The following UVRAG variants were observed in gnomAD, a reference collection of about 807,000 sequenced individuals.
UVRAG encodes UV radiation resistance associated.
In UVRAG, 19 loss-of-function variants were observed where a neutral mutation model predicts 78.0. The ratio of observed to expected loss-of-function variants is 0.24; its 90% CI spans 0.17 to 0.36. UVRAG has a LOEUF of 0.36. Among genes scored for constraint, UVRAG ranks in the 10% least tolerant of loss-of-function variants. The pLI is 1.00. For missense variants in UVRAG, 740 were observed against 853.8 expected, an observed-to-expected ratio of 0.87 and a Z score of 1.66; for synonymous variants, 323 against 324.6, an observed-to-expected ratio of 1.00 and a Z score of 0.05.
chr11:76,129,398 C>A (rs571466885), intron 14 of UVRAG, among the ~76,000 whole-genome samples: 1 of 152,332 alleles, frequency 6.6e-6, no homozygotes, highest in Non-Finnish European at 1.5e-5. Context: ...TCCTCTTCCT[C>A]TACCTCATCA....
At chr11:75,924,131 C>A (rs566437508) in intron 6 of UVRAG, among the ~76,000 whole-genome samples, 2 of 152,218 alleles carry the variant, frequency 1.3e-5, no homozygotes, top group Non-Finnish European at 2.9e-5. Flanking sequence ...GAATGCTCAG[C>A]AAATATTTGT....
chr11:75,856,357 C>T (rs1946292389), intron 2 of UVRAG, among the ~76,000 whole-genome samples: 1 of 152,150 alleles, frequency 6.6e-6, no homozygotes, highest in Admixed American at 6.6e-5. Context: ...AATGCCTGCC[C>T]TCTCCTGGAA....
chr11:76,070,767 C>T (rs1189676999), intron 13 of UVRAG, among the ~76,000 whole-genome samples: 4 of 152,096 alleles, frequency 2.6e-5, no homozygotes, highest in Admixed American at 6.6e-5. Flanking sequence ...AATATTGTAG[C>T]GTTCCATTTA....
At chr11:76,076,645 A>G (rs1456067485) in intron 13 of UVRAG, among the ~76,000 whole-genome samples, 2 of 152,042 alleles carry the variant, frequency 1.3e-5, no homozygotes, top group Non-Finnish European at 1.5e-5. Flanking sequence ...CTTTTTTATT[A>G]TAGCCATCCT....
intron 3 of UVRAG, among the ~76,000 whole-genome samples, chr11:75,863,667 G>T (rs1275776267): frequency 1.3e-5 from 2 of 152,180 alleles, no homozygotes; most frequent in Admixed American, 6.5e-5. Flanking sequence ...GGAGCTATCT[G>T]TGAGGTCATG....
intron 13 of UVRAG, among the ~76,000 whole-genome samples, chr11:76,093,050 G>A (rs56253944): frequency 0.1 from 15,535 of 152,050 alleles, 1,836 homozygotes; most frequent in African/African-American, 0.29. Flanking sequence ...AGCTTTCTAC[G>A]TATGGCTAGC....
chr11:76,130,303 A>C (rs933689524), intron 14 of UVRAG, among the ~76,000 whole-genome samples: 1 of 152,126 alleles, frequency 6.6e-6, no homozygotes, highest in African/African-American at 2.4e-5. Flanking sequence ...ACATTGATGT[A>C]TGTGATGTAT....
At chr11:75,963,373 C>T (rs776688110) in intron 7 of UVRAG, among the ~76,000 whole-genome samples, 12 of 152,190 alleles carry the variant, frequency 7.9e-5, no homozygotes, top group Non-Finnish European at 1.6e-4. Flanking sequence ...AGCTTTCCCA[C>T]AATCATTTGA....
At chr11:76,018,636 T>G (rs1377848800) in intron 12 of UVRAG, among the ~76,000 whole-genome samples, 1 of 152,224 alleles carries the variant, frequency 6.6e-6, no homozygotes, top group Admixed American at 6.5e-5. Flanking sequence ...CTCAATCTCT[T>G]GACCTCATGA....
chr11:76,051,231 G>A (rs7939349), intron 12 of UVRAG, among the ~76,000 whole-genome samples: 2,439 of 151,996 alleles, frequency 0.016, 59 homozygotes, highest in African/African-American at 0.057. Flanking sequence ...TATGCACCTT[G>A]CATGCTTAAT....
At chr11:75,898,601 G>T (rs891075727) in intron 5 of UVRAG, among the ~76,000 whole-genome samples, 1 of 152,128 alleles carries the variant, frequency 6.6e-6, no homozygotes, top group Non-Finnish European at 1.5e-5. Context: ...CTTTATAGAC[G>T]TGCACTTTCT....
intron 8 of UVRAG, among the ~76,000 whole-genome samples, chr11:76,003,464 G>T (rs1426370765): frequency 6.6e-6 from 1 of 151,572 alleles, no homozygotes; most frequent in Non-Finnish European, 1.5e-5. Context: ...CAAGTGATCT[G>T]CCAGCCTTGG....
intron 12 of UVRAG, among the ~76,000 whole-genome samples, chr11:76,055,956 A>T (rs1950976373): frequency 6.6e-6 from 1 of 152,198 alleles, no homozygotes; most frequent in East Asian, 1.9e-4. Flanking sequence ...TGATCTGCCC[A>T]CCTCGGCCTC....
intron 13 of UVRAG, among the ~76,000 whole-genome samples, chr11:76,068,947 T>A (rs1951249927): frequency 1.3e-5 from 2 of 152,184 alleles, no homozygotes; most frequent in Non-Finnish European, 1.5e-5. Flanking sequence ...CCTCAGTAAT[T>A]TATAAGCCAC....
At chr11:76,112,952 T>C (rs1591251943) in intron 13 of UVRAG, among the ~76,000 whole-genome samples, 1 of 152,080 alleles carries the variant, frequency 6.6e-6, no homozygotes, top group Non-Finnish European at 1.5e-5. Flanking sequence ...CGTCTGAAAC[T>C]CCACCCGCCT....
At chr11:75,902,517 T>G (rs1313655853) in intron 5 of UVRAG, among the ~76,000 whole-genome samples, 1 of 152,198 alleles carries the variant, frequency 6.6e-6, no homozygotes, top group Non-Finnish European at 1.5e-5. Context: ...TCTGTCTTAG[T>G]GGTTTCTGAC....
In UVRAG at chr11:75,936,707, C is replaced by A. The variant is rs138234790; in HGVS notation, c.593+24668C>A. Among the ~76,000 whole-genome samples, 5 of 152,232 alleles carry A rather than the reference C, an allele frequency of 3.3e-5. No homozygotes were observed. The East Asian group carries it at 9.6e-4, about 29-fold the overall frequency. On this transcript the variant is annotated intron_variant, in intron 6 of 14. Coordinates refer to ENST00000356136, the MANE Select transcript of UVRAG (RefSeq NM_003369.4). ...GCCCCTGGATTAGAATTAGTCATTT[C>A]TCTAAGGAGTTTTGTTTTGTTTTAG...
chr11:76,099,372 C>A (rs533145061), intron 13 of UVRAG, among the ~76,000 whole-genome samples: 1 of 152,206 alleles, frequency 6.6e-6, no homozygotes, highest in Non-Finnish European at 1.5e-5. Context: ...ATAACAGTAC[C>A]TGCTTTGTTA....
intron 1 of UVRAG, among the ~76,000 whole-genome samples, chr11:75,818,551 T>A (rs1179641197): frequency 6.6e-6 from 1 of 151,896 alleles, no homozygotes; most frequent in Non-Finnish European, 1.5e-5. Flanking sequence ...CGATCTTGGC[T>A]TATTGCAACC....
Sources: allele counts gnomAD v4.1 joint callset (sites outside exome capture counted in the v4.1 genomes callset), GRCh38; gene constraint gnomAD v4.1.1; transcripts MANE v1.5; gene names NCBI Gene and HGNC (gene_info 2026-07-23, HGNC 2026-07-21).